Variants in SLC5A4 observed in about 807,000 individuals in gnomAD.
The protein encoded by SLC5A4 is solute carrier family 5 member 4, also known as probable glucose sensor protein SLC5A4.
Under a neutral mutation model 70.3 loss-of-function variants are expected in SLC5A4, and 55 were observed. The observed-to-expected ratio is 0.78, with a 90% CI of 0.63 to 0.98. The LOEUF is 0.98. Among genes scored for constraint, SLC5A4 ranks in the 50% least tolerant of loss-of-function variants. The pLI is 0.00. For missense variants in SLC5A4, 735 were observed against 839.2 expected (o/e 0.88, Z 1.53); for synonymous variants, 268 against 305.7 (o/e 0.88, Z 1.29).
chr22:32,330,417 G>T, the SLC5A4 span, among the ~76,000 whole-genome samples: 1 of 116,562 alleles, frequency 8.6e-6, no homozygotes, highest in African/African-American at 3.2e-5. Context: ...GTGTTGGGGG[G>T]CTCTGGTGTA....
chr22:32,333,196 A>ACCCCCCC, the SLC5A4 span, among the ~76,000 whole-genome samples: 43 of 136,858 alleles, frequency 3.1e-4, no homozygotes, highest in East Asian at 1.9e-3. Flanking sequence ...TAGCACTGGC[A>ACCCCCCC]CCCCCCCCCC....
chr22:32,277,741 C>A, the SLC5A4 span, among the ~76,000 whole-genome samples: 1 of 151,958 alleles, frequency 6.6e-6, no homozygotes, highest in African/African-American at 2.4e-5. Context: ...GTAGAGATGG[C>A]GTTTCACCGT....
intron 12 of SLC5A4, 71 bp downstream of exon 12, chr22:32,225,584 T>G: frequency 1.1e-6 from 1 of 938,288 alleles, no homozygotes; most frequent in Non-Finnish European, 1.6e-6. Flanking sequence ...GAATGTATTT[T>G]GATACCCCAG....
At chr22:32,336,588 TC>T in the SLC5A4 span, among the ~76,000 whole-genome samples, 1 of 152,184 alleles carries the variant, frequency 6.6e-6, no homozygotes, top group Admixed American at 6.5e-5. Flanking sequence ...GAGCTTGGGC[TC>T]CTAATGGGAG....
At chr22:32,352,597 C>T in the SLC5A4 span, among the ~76,000 whole-genome samples, 1 of 152,124 alleles carries the variant, frequency 6.6e-6, no homozygotes, top group African/African-American at 2.4e-5. Context: ...CTGGCTGCAC[C>T]TCCACCGCTG....
At chr22:32,345,092 G>A in the SLC5A4 span, among the ~76,000 whole-genome samples, 4 of 152,100 alleles carry the variant, frequency 2.6e-5, no homozygotes, top group African/African-American at 7.2e-5. Context: ...TTCAAGTTTA[G>A]AATGTATTAA....
chr22:32,262,223 T>C, the SLC5A4 span, among the ~76,000 whole-genome samples: 3 of 152,206 alleles, frequency 2.0e-5, no homozygotes, highest in South Asian at 6.2e-4. Context: ...GTGGCCCCAA[T>C]TGTAGTTTTT....
the SLC5A4 span, among the ~76,000 whole-genome samples, chr22:32,306,382 C>T: frequency 0.12 from 18,210 of 150,332 alleles, 1,490 homozygotes; most frequent in Non-Finnish European, 0.19. Context: ...AGGAGAATGG[C>T]GTGAACCTGG....
the SLC5A4 span, among the ~76,000 whole-genome samples, chr22:32,318,341 A>G: frequency 3.9e-5 from 6 of 152,184 alleles, no homozygotes; most frequent in Middle Eastern, 6.8e-3. Flanking sequence ...CTGATGGCCA[A>G]CGTGTCTACT....
the SLC5A4 span, among the ~76,000 whole-genome samples, chr22:32,274,041 ATT>A: frequency 8.6e-5 from 12 of 139,084 alleles, no homozygotes; most frequent in Admixed American, 1.5e-4. Flanking sequence ...TTGATATTCT[ATT>A]TTTTTTTTTT....
chr22:32,251,521 C>A (rs1258154847), intron 3 of SLC5A4, among the ~76,000 whole-genome samples: 1 of 151,940 alleles, frequency 6.6e-6, no homozygotes, highest in Admixed American at 6.6e-5. Context: ...CTCTCTCTCT[C>A]TCTCTCTCTC....
intron 12 of SLC5A4, among the ~76,000 whole-genome samples, chr22:32,225,175 C>G (rs8136915): frequency 0.032 from 4,913 of 152,250 alleles, 305 homozygotes; most frequent in African/African-American, 0.11. Flanking sequence ...CCACAATAAT[C>G]AATTAATTAC....
the SLC5A4 span, among the ~76,000 whole-genome samples, chr22:32,346,355 C>CT: frequency 6.6e-6 from 1 of 152,160 alleles, no homozygotes; most frequent in Non-Finnish European, 1.5e-5. Context: ...GAAAAAACTA[C>CT]TTTAAGTTCA....
At chr22:32,238,859 C>T in intron 6 of SLC5A4, 126 bp downstream of exon 6, 4 of 692,952 alleles carry the variant, frequency 5.8e-6, no homozygotes, top group South Asian at 1.7e-5. Context: ...GCTTGACTCT[C>T]ATAGTGGAAA....
the SLC5A4 span, among the ~76,000 whole-genome samples, chr22:32,328,723 A>G: frequency 4.6e-5 from 7 of 152,240 alleles, no homozygotes; most frequent in African/African-American, 1.7e-4. Context: ...ACTCACAGAA[A>G]GAGTTAAACG....
intron 10 of SLC5A4, among the ~76,000 whole-genome samples, chr22:32,230,651 C>T (rs896942618): frequency 6.6e-6 from 1 of 152,108 alleles, no homozygotes; most frequent in East Asian, 1.9e-4. Context: ...AAATAGTTTA[C>T]CTCTAGGTCT....
chr22:32,311,749 G>A, the SLC5A4 span, among the ~76,000 whole-genome samples: 2 of 152,180 alleles, frequency 1.3e-5, no homozygotes, highest in African/African-American at 4.8e-5. Context: ...CGCACAGCAG[G>A]TGCTTAGCCA....
chr22:32,310,157 TC>T, the SLC5A4 span, among the ~76,000 whole-genome samples: 1 of 152,000 alleles, frequency 6.6e-6, no homozygotes, highest in South Asian at 2.1e-4. Flanking sequence ...TCCAGCTCTG[TC>T]TGTTTGGCAG....
chr22:32,293,246 G>C, the SLC5A4 span, among the ~76,000 whole-genome samples: 3 of 151,990 alleles, frequency 2.0e-5, no homozygotes, highest in Admixed American at 2.0e-4. Context: ...GGTAGTCTTT[G>C]TGTTTTAAAT....
Sources: gnomAD v4.1 joint callset for allele counts (sites outside exome capture counted in the v4.1 genomes callset) on GRCh38, gnomAD v4.1.1 for gene constraint, MANE v1.5 for transcripts, NCBI Gene and HGNC (gene_info 2026-07-23, HGNC 2026-07-21) for gene names.